The following DPP10 variants were observed in gnomAD, a reference collection of about 807,000 sequenced individuals.
DPP10 encodes the protein dipeptidyl peptidase like 10, also known as inactive dipeptidyl peptidase 10.
A neutral mutation model predicts 120.9 loss-of-function variants in DPP10; 33 were observed. The observed-to-expected ratio is 0.27, with a 90% CI of 0.21 to 0.37. DPP10 has a LOEUF of 0.37. Ranked by LOEUF, DPP10 falls within the 10% of genes least tolerant of loss-of-function variation. The pLI is 1.00. For missense variants in DPP10, 816 were observed against 942.8 expected (o/e 0.87, Z 1.76); for synonymous variants, 337 against 326.1 (o/e 1.03, Z -0.36).
chr2:114,942,769 G>C (rs527570470), intron 1 of DPP10, among the ~76,000 whole-genome samples: 2 of 151,894 alleles, frequency 1.3e-5, no homozygotes, highest in Non-Finnish European at 2.9e-5. Flanking sequence ...AATTATATAT[G>C]CTAAAGAACA....
At chr2:115,669,962 T>C (rs1469905495) in intron 5 of DPP10, among the ~76,000 whole-genome samples, 2 of 152,146 alleles carry the variant, frequency 1.3e-5, no homozygotes, top group Non-Finnish European at 2.9e-5. Context: ...TATAACAAAT[T>C]ACCACAGATG....
chr2:114,832,318 G>A (rs140867997), intron 1 of DPP10, among the ~76,000 whole-genome samples: 3,729 of 152,278 alleles, frequency 0.024, 159 homozygotes, highest in African/African-American at 0.085. Context: ...TGGATCAGGA[G>A]GTCAGGAGAT....
At chr2:114,493,440 A>G (rs548466679) in intron 1 of DPP10, among the ~76,000 whole-genome samples, 1 of 152,192 alleles carries the variant, frequency 6.6e-6, no homozygotes, top group Non-Finnish European at 1.5e-5. Flanking sequence ...GTCACACAGC[A>G]TGTAAGAGAG....
chr2:114,753,680 T>C (rs1318687831), intron 1 of DPP10, among the ~76,000 whole-genome samples: 1 of 151,522 alleles, frequency 6.6e-6, no homozygotes, highest in African/African-American at 2.4e-5. Context: ...GAGGCCGAGG[T>C]GGGCAGATCA....
intron 5 of DPP10, among the ~76,000 whole-genome samples, chr2:115,611,922 G>C (rs1381899589): frequency 1.3e-5 from 2 of 152,090 alleles, no homozygotes; most frequent in African/African-American, 2.4e-5. Context: ...AGAGAGAGAA[G>C]GTGAGAAACA....
chr2:114,812,622 A>AT (rs1301813095), intron 1 of DPP10, among the ~76,000 whole-genome samples: 2 of 150,972 alleles, frequency 1.3e-5, no homozygotes, highest in African/African-American at 4.9e-5. Context: ...ACACACAATT[A>AT]TAATTAAAAA....
chr2:114,982,794 A>G (rs879339257), intron 1 of DPP10, among the ~76,000 whole-genome samples: 14 of 151,636 alleles, frequency 9.2e-5, no homozygotes, highest in Non-Finnish European at 1.9e-4. Flanking sequence ...TTTTGTAGAA[A>G]TGGAGTTTCG....
intron 1 of DPP10, among the ~76,000 whole-genome samples, chr2:115,153,237 A>G (rs2051682618): frequency 6.6e-6 from 1 of 152,202 alleles, no homozygotes; most frequent in Non-Finnish European, 1.5e-5. Flanking sequence ...GATATTATGA[A>G]ACAGGGTATT....
intron 1 of DPP10, among the ~76,000 whole-genome samples, chr2:114,974,065 G>A (rs1434344311): frequency 6.6e-6 from 1 of 152,120 alleles, no homozygotes; most frequent in Non-Finnish European, 1.5e-5. Flanking sequence ...GTAAAAAACT[G>A]CAGTAAGCTA....
chr2:114,657,899 T>A (rs1207129390), intron 1 of DPP10, among the ~76,000 whole-genome samples: 1 of 152,204 alleles, frequency 6.6e-6, no homozygotes, highest in Non-Finnish European at 1.5e-5. Flanking sequence ...TAAAGGTGAA[T>A]CAGGTTCAAC....
intron 3 of DPP10, among the ~76,000 whole-genome samples, chr2:115,359,035 T>C (rs1465940719): frequency 6.6e-6 from 1 of 152,132 alleles, no homozygotes; most frequent in Non-Finnish European, 1.5e-5. Flanking sequence ...TTGTTGCATA[T>C]GAGATGGGTT....
chr2:115,835,131 G>C (rs1173388948), intron 21 of DPP10, among the ~76,000 whole-genome samples: 2 of 149,718 alleles, frequency 1.3e-5, no homozygotes, highest in African/African-American at 4.9e-5. Context: ...GCAAGACTCT[G>C]TCTAAAAAAA....
intron 2 of DPP10, among the ~76,000 whole-genome samples, chr2:115,312,026 G>A (rs2061600315): frequency 6.6e-6 from 1 of 152,032 alleles, no homozygotes; most frequent in Non-Finnish European, 1.5e-5. Flanking sequence ...AAAGTGCTGG[G>A]ATTACAATCA....
At chr2:114,460,410 A>G (rs953512042) in intron 1 of DPP10, among the ~76,000 whole-genome samples, 1 of 152,192 alleles carries the variant, frequency 6.6e-6, no homozygotes, top group Non-Finnish European at 1.5e-5. Flanking sequence ...CTAGGGTTTA[A>G]TTACAATTAC....
chr2:115,597,652 T>G (rs540491889), intron 5 of DPP10, among the ~76,000 whole-genome samples: 3 of 151,756 alleles, frequency 2.0e-5, no homozygotes, highest in Non-Finnish European at 2.9e-5. Context: ...AGCTTTTAAT[T>G]AAGCAGATTT....
chr2:115,113,399 A>G (rs1037353833), intron 1 of DPP10, among the ~76,000 whole-genome samples: 19 of 146,046 alleles, frequency 1.3e-4, no homozygotes, highest in Non-Finnish European at 2.8e-4. Context: ...CATTATTTTA[A>G]ATATTTTCAT....
At chr2:115,703,732 C>G (rs2091985483) in intron 7 of DPP10, among the ~76,000 whole-genome samples, 4 of 151,998 alleles carry the variant, frequency 2.6e-5, no homozygotes, top group Admixed American at 2.6e-4. Flanking sequence ...ACCTCCACAG[C>G]AACGTCTAGA....
intron 1 of DPP10, among the ~76,000 whole-genome samples, chr2:114,911,389 A>C (rs186997389): frequency 1.4e-4 from 21 of 152,330 alleles, no homozygotes; most frequent in Middle Eastern, 3.4e-3. Flanking sequence ...TTTGTCAGTC[A>C]TGGTGCTTAA....
intron 3 of DPP10, among the ~76,000 whole-genome samples, chr2:115,438,591 T>A (rs973447815): frequency 6.6e-6 from 1 of 152,230 alleles, no homozygotes; most frequent in Non-Finnish European, 1.5e-5. Flanking sequence ...TGACACATGC[T>A]ATCCCATAGA....
Sources: allele counts gnomAD v4.1 joint callset (sites outside exome capture counted in the v4.1 genomes callset), GRCh38; gene constraint gnomAD v4.1.1; transcripts MANE v1.5; gene names NCBI Gene and HGNC (gene_info 2026-07-23, HGNC 2026-07-21).